Variants in PCK1 observed in about 807,000 individuals in gnomAD.
The protein encoded by PCK1 is phosphoenolpyruvate carboxykinase, cytosolic [GTP].
A neutral mutation model predicts 50.3 loss-of-function variants in PCK1; 44 were observed. The observed-to-expected ratio is 0.87, with a 90% CI of 0.69 to 1.12. The LOEUF is 1.12. Among genes scored for constraint, PCK1 ranks in the 50% most tolerant of loss-of-function variants. The pLI, the probability that PCK1 is intolerant of heterozygous loss-of-function variation, is 0.00. For missense variants in PCK1, 790 were observed against 815.0 expected (o/e 0.97, Z 0.37); for synonymous variants, 332 against 314.3 (o/e 1.06, Z -0.59).
chr20:57,564,260 C>A lies in PCK1; in HGVS notation c.1053C>A (p.Ile351=), dbSNP rs749488678. The A allele has an allele frequency of 1.2e-6, 2 of 1,614,094 alleles. No individual in the cohort carries two copies. The highest frequency in any genetic ancestry group is 8.5e-7 in the Non-Finnish European group (1 of 1,179,988). Reference sequence around the variant, plus strand: ...CCAACCCCAATGCCATCAAGACCATCCAGAAGAACACAATCTTTACCAATG... The same window carrying A: ...CCAACCCCAATGCCATCAAGACCATACAGAAGAACACAATCTTTACCAATG... The part of the protein sequence containing the change: ...VKTNPNAIKT[I]QKNTIFTNVA... The change falls in exon 7 of 10, where the codon ATC becomes ATA. Residue 351 remains isoleucine, a synonymous_variant. Transcript: ENST00000319441.
chr20:57,565,248 AAG>A (rs2070192308), intron 9 of PCK1, 100 bp from the exon 10 acceptor site: 3 of 1,263,030 alleles, frequency 2.4e-6, no homozygotes, highest in Non-Finnish European at 3.4e-6. Flanking sequence ...GAGAGAGAGA[AAG>A]AGAGAGAGGA....
At position 57,565,340 on chromosome 20, in the gene PCK1, T is replaced by C; in HGVS notation, c.1415-10T>C. ...CTCATTTACTAATGAACTCCCTCTC[T>C]GTTTAACAGGCAAAATCATCATGCA... On this transcript the variant is annotated splice_polypyrimidine_tract_variant and intron_variant, in intron 9 of 9. Coordinates refer to ENST00000319441, the MANE Select transcript of PCK1 (RefSeq NM_002591.4). 6.2e-7 allele frequency: 1 copy of C among 1,610,430 alleles called. No individual in the cohort carries two copies. The highest frequency in any genetic ancestry group is 8.5e-7 in the Non-Finnish European group (1 of 1,176,710).
chr20:57,562,824 C>A lies in PCK1; in HGVS notation c.535C>A (p.Pro179Thr), dbSNP rs373884006. ...GCGGATCATGACGCGGATGGGCACG[C>A]CCGTCCTGGAAGCAGTGGGCGATGG... Reference protein sequence around the residue: ...SMRIMTRMGTPVLEAVGDGEF... With the variant: ...SMRIMTRMGTTVLEAVGDGEF... The change falls in exon 4 of 10, where the codon CCC (proline) becomes ACC (threonine). Residue 179 changes from proline (P) to threonine (T), a missense_variant. Coordinates refer to ENST00000319441, the MANE Select transcript of PCK1 (RefSeq NM_002591.4). The A allele has an allele frequency of 6.2e-7, 1 of 1,614,098 alleles. No homozygotes were observed. Among genetic ancestry groups the A allele is most frequent in the East Asian group, 2.2e-5 (1 of 44,892 alleles).
At chr20:57,563,321 G>T (rs2070170334) in intron 5 of PCK1, 106 bp downstream of exon 5, 1 of 1,075,870 alleles carries the variant, frequency 9.3e-7, no homozygotes, top group African/African-American at 1.6e-5. Context: ...GAGCGTGCAG[G>T]TTCCCGGACA....
intron 1 of PCK1, 38 bp from the exon 2 acceptor site, chr20:57,561,334 G>A: frequency 1.1e-6 from 1 of 883,274 alleles, no homozygotes; most frequent in Non-Finnish European, 1.8e-6. Context: ...GGTGTCTGTT[G>A]TTGTTTTTGT....
In PCK1 at chr20:57,562,219, G is replaced by T; in HGVS notation, c.373G>T (p.Ala125Ser). Residue 125 changes from alanine (A) to serine (S), a missense_variant, in exon 3 of 10, where the codon GCG becomes TCG. Coordinates refer to ENST00000319441, the MANE Select transcript of PCK1 (RefSeq NM_002591.4). ...RWMSEEDFEK[A>S]FNARFPGCMK... ...GATGTCAGAGGAGGATTTTGAGAAAGCGTTCAATGCCAGGTTCCCAGGGTG... is the reference window on the plus strand; with the variant it reads ...GATGTCAGAGGAGGATTTTGAGAAATCGTTCAATGCCAGGTTCCCAGGGTG... The T allele has an allele frequency of 6.2e-7, 1 of 1,614,168 alleles. No individual in the cohort carries two copies. The highest frequency in any genetic ancestry group is 8.5e-7 in the Non-Finnish European group (1 of 1,180,036).
chr20:57,564,105 A>G (rs2070178959), intron 6 of PCK1, 64 bp from the exon 7 acceptor site: 2 of 1,019,492 alleles, frequency 2.0e-6, no homozygotes. Context: ...CCGGCAATAT[A>G]TAAGAGTATA....
In PCK1 at chr20:57,565,664, C is replaced by A. The variant is rs1409004157; in HGVS notation, c.1729C>A (p.Leu577Ile). The A allele has an allele frequency of 6.2e-7, 1 of 1,614,044 alleles. No individual in the cohort carries two copies. Among genetic ancestry groups the A allele is most frequent in the Non-Finnish European group, 8.5e-7 (1 of 1,179,990 alleles). ...KGLGHINMMELFSISKEFWEK... is the reference protein window; with the variant it reads ...KGLGHINMMEIFSISKEFWEK... ...CCTGGGGCACATCAACATGATGGAG[C>A]TTTTCAGCATCTCCAAGGAATTCTG... The change falls in exon 10 of 10, where the codon CTT (leucine) becomes ATT (isoleucine). Residue 577 changes from leucine to isoleucine, a missense_variant. By Grantham distance (5) the Leu-to-Ile change is conservative. Transcript: ENST00000319441.
rs1264166667 is a variant in PCK1, at chr20:57,564,165, C to A, written c.962-4C>A. On this transcript the variant is annotated splice_region_variant and splice_polypyrimidine_tract_variant and intron_variant, in intron 6 of 9. Transcript: ENST00000319441. ...TACTGCTTCTCTGGTTTAAAACTCTCCAGGTCATTTAAGGGCCATCAACCC... is the reference window on the plus strand; with the variant it reads ...TACTGCTTCTCTGGTTTAAAACTCTACAGGTCATTTAAGGGCCATCAACCC... The A allele has an allele frequency of 6.2e-7, 1 of 1,606,678 alleles. No homozygotes were observed. Among genetic ancestry groups the A allele is most frequent in the East Asian group, 2.2e-5 (1 of 44,836 alleles).
intron 9 of PCK1, 92 bp downstream of exon 9, chr20:57,565,227 G>A (rs2070191999): frequency 2.3e-6 from 3 of 1,283,654 alleles, no homozygotes; most frequent in Non-Finnish European, 3.4e-6. Flanking sequence ...GTGTCTGTGT[G>A]TGGGGAGAGA....
chr20:57,562,583 T>G, intron 3 of PCK1, 113 bp from the exon 4 acceptor site: 1 of 815,740 alleles, frequency 1.2e-6, no homozygotes. Context: ...ACCAGCAGGG[T>G]GTGGTGGTGT....
In PCK1 at chr20:57,564,169, G is replaced by GTCAT; in HGVS notation, c.964_967dup (p.Leu323SerfsTer53). On this transcript the variant is annotated frameshift_variant and splice_region_variant, in exon 7 of 10. Transcript: ENST00000319441. LOFTEE classifies it high-confidence loss of function. The stretch of plus-strand genomic sequence containing the variant: ...GCTTCTCTGGTTTAAAACTCTCCAG[G>GTCAT]TCATTTAAGGGCCATCAACCCAGAA... 2 of 1,608,932 alleles carry GTCAT rather than the reference G, an allele frequency of 1.2e-6. No homozygotes were observed. Among genetic ancestry groups the GTCAT allele is most frequent in the Non-Finnish European group, 1.7e-6 (2 of 1,175,680 alleles).
At position 57,562,055 on chromosome 20, in the gene PCK1, C is replaced by A. The variant is rs373326025; in HGVS notation, c.225-16C>A. 42 of 1,610,546 alleles carry A rather than the reference C, an allele frequency of 2.6e-5. No individual in the cohort carries two copies. Among genetic ancestry groups the A allele is most frequent in the Non-Finnish European group, 3.3e-5 (39 of 1,177,288 alleles). ...CCCGTGGTGCTTGGCTGAAAGGAAG[C>A]CTGTGATTTTTGCAGCTGGTTGGCT... On this transcript the variant is annotated splice_polypyrimidine_tract_variant and intron_variant, in intron 2 of 9. Coordinates refer to ENST00000319441, the MANE Select transcript of PCK1 (RefSeq NM_002591.4).
intron 2 of PCK1, 108 bp downstream of exon 2, chr20:57,561,743 A>G: frequency 1.3e-6 from 1 of 746,572 alleles, no homozygotes; most frequent in South Asian, 1.6e-5. Flanking sequence ...GTAGTTTCAG[A>G]CTCTTGAGAA....
chr20:57,563,196 G>A lies in PCK1; in HGVS notation c.779G>A (p.Trp260Ter), dbSNP rs746694146. 3 of 1,613,658 alleles carry A rather than the reference G, an allele frequency of 1.9e-6. No homozygotes were observed. The highest frequency in any genetic ancestry group is 2.5e-6 in the Non-Finnish European group (3 of 1,180,020). The change falls in exon 5 of 10, where the codon TGG becomes TAG. Residue 260 changes from tryptophan (W) to a stop codon, truncating the protein, a stop_gained. Coordinates refer to ENST00000319441, the MANE Select transcript of PCK1 (RefSeq NM_002591.4). LOFTEE classifies it high-confidence loss of function. ...MASRLAKEEG[W>*]LAEHMLILGI... Reference sequence around the variant, plus strand: ...AGCCGGCTGGCCAAGGAGGAAGGGTGGCTGGCAGAGCACATGCTGGTGAGC... The same window carrying A: ...AGCCGGCTGGCCAAGGAGGAAGGGTAGCTGGCAGAGCACATGCTGGTGAGC...
intron 9 of PCK1, 83 bp from the exon 10 acceptor site, chr20:57,565,267 A>C (rs1568910335): frequency 7.5e-7 from 1 of 1,325,208 alleles, no homozygotes; most frequent in Non-Finnish European, 1.1e-6. Flanking sequence ...AGGAGAACAA[A>C]GCATGCTAAT....
At position 57,561,210 on chromosome 20, in the gene PCK1, A is replaced by G; in HGVS notation, c.-41+7A>G. The G allele has an allele frequency of 1.9e-6, 1 of 516,006 alleles. No individual in the cohort carries two copies. 32.0% of individuals were successfully genotyped at this position (516,006 alleles called of 1,614,324 possible). A position where few individuals can be genotyped will look rare whatever the true frequency, so the allele number is the denominator to read the frequency against. ...TCATCCAAAGAGAAGAAAGGTAAGTAGAGCTTTGCATTTACATTTTGAAAA... is the reference window on the plus strand; with the variant it reads ...TCATCCAAAGAGAAGAAAGGTAAGTGGAGCTTTGCATTTACATTTTGAAAA... On this transcript the variant is annotated splice_region_variant and intron_variant, in intron 1 of 9. Transcript: ENST00000319441.
In PCK1 at chr20:57,561,428, AAAACGGCCTG is replaced by A; in HGVS notation, c.20_29del (p.Asn7ThrfsTer18). The A allele has an allele frequency of 6.2e-7, 1 of 1,612,740 alleles. No individual in the cohort carries two copies. Among genetic ancestry groups the A allele is most frequent in the Non-Finnish European group, 8.5e-7 (1 of 1,179,442 alleles). ...TCTGCAGAAATGCCTCCTCAGCTGC[AAAACGGCCTG>A]AACCTCTCGGCCAAAGTTGTCCAGG... On this transcript the variant is annotated frameshift_variant, in exon 2 of 10. Transcript: ENST00000319441. LOFTEE classifies it high-confidence loss of function.
Position 57,564,161 on chromosome 20 carries a change from C to T in PCK1, c.962-8C>T. On this transcript the variant is annotated splice_region_variant and splice_polypyrimidine_tract_variant and intron_variant, in intron 6 of 9. Coordinates refer to ENST00000319441, the MANE Select transcript of PCK1 (RefSeq NM_002591.4). ...TCACTACTGCTTCTCTGGTTTAAAA[C>T]TCTCCAGGTCATTTAAGGGCCATCA... 1.2e-6 allele frequency: 2 copies of T among 1,601,196 alleles called. No homozygotes were observed. The highest frequency in any genetic ancestry group is 1.7e-6 in the Non-Finnish European group (2 of 1,169,092).
Sources: gnomAD v4.1 joint callset for allele counts on GRCh38, gnomAD v4.1.1 for gene constraint, MANE v1.5 for transcripts, NCBI Gene and HGNC (gene_info 2026-07-23, HGNC 2026-07-21) for gene names.